The following RANBP17 variants were observed in gnomAD, a reference collection of about 807,000 sequenced individuals.
RANBP17 encodes the protein ran-binding protein 17.
A neutral mutation model predicts 141.2 loss-of-function variants in RANBP17; 158 were observed. That is an observed-to-expected ratio of 1.12 (90% CI 0.98 to 1.28). RANBP17 has a LOEUF of 1.28. Ranked by LOEUF, RANBP17 falls within the 50% of genes most tolerant of loss-of-function variation. The probability of loss-of-function intolerance (pLI) is 0.00; values close to 1 mark genes in which losing one functional copy is unlikely to be tolerated. For missense variants in RANBP17, 1,438 were observed against 1,290.7 expected (o/e 1.11, Z -1.75); for synonymous variants, 430 against 450.0 (o/e 0.96, Z 0.56).
At chr5:171,202,113 C>G (rs1301826545) in intron 19 of RANBP17, among the ~76,000 whole-genome samples, 1 of 152,092 alleles carries the variant, frequency 6.6e-6, no homozygotes, top group Non-Finnish European at 1.5e-5. Flanking sequence ...AATTGAAATA[C>G]AGTTGTTAGA....
chr5:171,265,606 A>C, intron 24 of RANBP17, 75 bp from the exon 25 acceptor site: 2 of 1,277,532 alleles, frequency 1.6e-6, no homozygotes, highest in Non-Finnish European at 2.2e-6. Flanking sequence ...AATTATTTTT[A>C]ATGGAGCCGT....
intron 20 of RANBP17, among the ~76,000 whole-genome samples, chr5:171,211,595 T>G (rs1762892095): frequency 6.6e-6 from 1 of 151,932 alleles, no homozygotes; most frequent in South Asian, 2.1e-4. Flanking sequence ...GTATTTATTT[T>G]GTTTACTAGA....
At chr5:171,173,482 A>G (rs559377803) in intron 16 of RANBP17, among the ~76,000 whole-genome samples, 1 of 152,180 alleles carries the variant, frequency 6.6e-6, no homozygotes, top group African/African-American at 2.4e-5. Context: ...TTCTTTATTT[A>G]TAGTACATGT....
intron 25 of RANBP17, among the ~76,000 whole-genome samples, chr5:171,278,770 G>T (rs1767682492): frequency 2.0e-5 from 3 of 152,162 alleles, no homozygotes; most frequent in Admixed American, 1.3e-4. Flanking sequence ...CCTTGTCTGG[G>T]GGTGAAACTA....
At chr5:171,234,634 TTC>T (rs1326041648) in intron 22 of RANBP17, among the ~76,000 whole-genome samples, 1 of 152,144 alleles carries the variant, frequency 6.6e-6, no homozygotes, top group Non-Finnish European at 1.5e-5. Context: ...CAAATCAAAT[TTC>T]TTGATTCATT....
intron 22 of RANBP17, among the ~76,000 whole-genome samples, chr5:171,236,166 C>A (rs1406735451): frequency 6.6e-6 from 1 of 152,176 alleles, no homozygotes; most frequent in African/African-American, 2.4e-5. Context: ...AGTTGCAGTT[C>A]TCTTCGCATA....
chr5:171,035,705 A>G (rs1267581957), intron 14 of RANBP17, among the ~76,000 whole-genome samples: 2 of 142,372 alleles, frequency 1.4e-5, no homozygotes, highest in African/African-American at 5.1e-5. Context: ...CTGAACTTTT[A>G]GCCATTGTTT....
At chr5:171,006,714 G>T (rs1466344846) in intron 14 of RANBP17, among the ~76,000 whole-genome samples, 1 of 149,156 alleles carries the variant, frequency 6.7e-6, no homozygotes, top group East Asian at 2.0e-4. Context: ...TCTGCACATT[G>T]TGCACATGTA....
chr5:171,059,690 A>G (rs1445094953), intron 14 of RANBP17, among the ~76,000 whole-genome samples: 5 of 147,852 alleles, frequency 3.4e-5, no homozygotes, highest in African/African-American at 5.0e-5. Context: ...GTTTTTTCCA[A>G]TTCTGTGAAG....
At chr5:170,966,370 A>G (rs1402812929) in intron 13 of RANBP17, among the ~76,000 whole-genome samples, 2 of 152,158 alleles carry the variant, frequency 1.3e-5, no homozygotes, top group African/African-American at 4.8e-5. Flanking sequence ...TCATCCCTGG[A>G]ATGCAAGGCT....
At chr5:171,025,981 A>G (rs970956946) in intron 14 of RANBP17, among the ~76,000 whole-genome samples, 1 of 152,220 alleles carries the variant, frequency 6.6e-6, no homozygotes, top group African/African-American at 2.4e-5. Context: ...TGTAAACTCC[A>G]TAACAGAAGG....
intron 14 of RANBP17, among the ~76,000 whole-genome samples, chr5:171,129,435 C>T (rs1554102582): frequency 6.6e-6 from 1 of 152,174 alleles, no homozygotes; most frequent in Non-Finnish European, 1.5e-5. Flanking sequence ...TCCTTCTGCT[C>T]ACCCCGTGAC....
Position 170,919,538 on chromosome 5 carries a change from T to A in RANBP17, c.1199T>A (p.Leu400Gln). 6.2e-7 allele frequency: 1 copy of A among 1,612,302 alleles called. No homozygotes were observed. The highest frequency in any genetic ancestry group is 8.5e-7 in the Non-Finnish European group (1 of 1,179,160). The change falls in exon 11 of 28, where the codon CTA (leucine) becomes CAA (glutamine). Residue 400 changes from leucine (L) to glutamine (Q), a missense_variant. Leu to Gln is a moderately radical substitution (Grantham distance 113). Transcript: ENST00000523189. ...TTTGTGAAATCAACTGAACCCCACC[T>A]ATTAGACACTTATGCACCAGAAATC... Reference protein sequence around the residue: ...VPFVKSTEPHLLDTYAPEITK... With the variant: ...VPFVKSTEPHQLDTYAPEITK...
chr5:171,056,630 C>T (rs1027058504), intron 14 of RANBP17, among the ~76,000 whole-genome samples: 7 of 151,976 alleles, frequency 4.6e-5, no homozygotes, highest in South Asian at 4.2e-4. Flanking sequence ...GATTTTTATA[C>T]CAGATAAGCC....
At chr5:171,294,580 G>A (rs1768702920) in intron 26 of RANBP17, among the ~76,000 whole-genome samples, 1 of 152,218 alleles carries the variant, frequency 6.6e-6, no homozygotes, top group Admixed American at 6.5e-5. Flanking sequence ...AAAAGACAGT[G>A]AGATTAGAGG....
intron 14 of RANBP17, among the ~76,000 whole-genome samples, chr5:171,129,112 G>C (rs1756714900): frequency 6.6e-6 from 1 of 152,074 alleles, no homozygotes; most frequent in Admixed American, 6.6e-5. Flanking sequence ...GAGCCTGCCT[G>C]GTGTCTTAAA....
At chr5:171,265,158 C>CT (rs1331707200) in intron 24 of RANBP17, among the ~76,000 whole-genome samples, 5 of 152,214 alleles carry the variant, frequency 3.3e-5, no homozygotes, top group African/African-American at 9.6e-5. Flanking sequence ...ATGGAAAAAT[C>CT]TGCCTAATCT....
At chr5:171,092,870 T>G (rs1468966000) in intron 14 of RANBP17, among the ~76,000 whole-genome samples, 1 of 152,214 alleles carries the variant, frequency 6.6e-6, no homozygotes, top group Non-Finnish European at 1.5e-5. Context: ...GTCCTTAAAC[T>G]CTGTAGTCGG....
intron 14 of RANBP17, among the ~76,000 whole-genome samples, chr5:171,063,888 C>G (rs1263871067): frequency 1.3e-5 from 2 of 152,218 alleles, no homozygotes; most frequent in East Asian, 1.9e-4. Context: ...CCCCCAGCCT[C>G]GCTGCTGCCT....
Sources: gnomAD v4.1 joint callset for allele counts (sites outside exome capture counted in the v4.1 genomes callset) on GRCh38, gnomAD v4.1.1 for gene constraint, MANE v1.5 for transcripts, NCBI Gene and HGNC (gene_info 2026-07-23, HGNC 2026-07-21) for gene names.